ALDH1A1: variants seen among roughly 807,000 people sequenced by gnomAD.
ALDH1A1 encodes aldehyde dehydrogenase 1 family member A1.
Under a neutral mutation model 62.1 loss-of-function variants are expected in ALDH1A1, and 19 were observed. The observed-to-expected ratio is 0.31, with a 90% CI of 0.21 to 0.45. The LOEUF (loss-of-function observed/expected upper bound fraction) is 0.45. Among genes scored for constraint, ALDH1A1 ranks in the 20% least tolerant of loss-of-function variants. The pLI, the probability that ALDH1A1 is intolerant of heterozygous loss-of-function variation, is 1.00. For synonymous variants in ALDH1A1, 231 were observed against 215.9 expected, an observed-to-expected ratio of 1.07 and a Z score of -0.61; for missense variants, 521 against 607.1, an observed-to-expected ratio of 0.86 and a Z score of 1.49.
intron 10 of ALDH1A1, among the ~76,000 whole-genome samples, chr9:72,911,525 C>G (rs1829988179): frequency 1.3e-5 from 2 of 152,140 alleles, no homozygotes; most frequent in Non-Finnish European, 2.9e-5. Context: ...CTCCACTCCC[C>G]CAAGCCCCTG....
At chr9:72,919,556 G>C (rs1312425241) in intron 7 of ALDH1A1, among the ~76,000 whole-genome samples, 5 of 152,200 alleles carry the variant, frequency 3.3e-5, no homozygotes, top group Non-Finnish European at 5.9e-5. Context: ...TTCAGAGTCT[G>C]ATCCAGATTG....
chr9:72,901,359 G>C, intron 12 of ALDH1A1, 79 bp from the exon 13 acceptor site: 2 of 982,510 alleles, frequency 2.0e-6, no homozygotes, highest in Non-Finnish European at 3.1e-6. Context: ...TTTGGTACGA[G>C]TTTGTTCTTG....
chr9:72,925,944 G>A (rs924839189), intron 5 of ALDH1A1, among the ~76,000 whole-genome samples: 1 of 152,068 alleles, frequency 6.6e-6, no homozygotes, highest in Non-Finnish European at 1.5e-5. Flanking sequence ...TGTTTAAAAA[G>A]GATGATTACT....
chr9:72,946,237 C>T (rs1334468163), intron 1 of ALDH1A1, among the ~76,000 whole-genome samples: 1 of 151,882 alleles, frequency 6.6e-6, no homozygotes, highest in Non-Finnish European at 1.5e-5. Flanking sequence ...TAAAAGAATG[C>T]CAAATATAAA....
Position 72,911,397 on chromosome 9 carries a change from T to A in ALDH1A1, c.1200+561A>T, listed in dbSNP as rs1291643770. ...CTTAAAATTGACTCTCTTAGCAATA[T>A]TCAAGTATACAATACATTGTTATTA... On this transcript the variant is annotated intron_variant, in intron 10 of 12. Coordinates refer to ENST00000297785, the MANE Select transcript of ALDH1A1 (RefSeq NM_000689.5). Among the ~76,000 whole-genome samples the A allele has an allele frequency of 2.0e-5, 3 of 152,176 alleles. No individual in the cohort carries two copies. The South Asian group carries it at 6.2e-4, about 31-fold the overall frequency.
intron 11 of ALDH1A1, 118 bp from the exon 12 acceptor site, chr9:72,906,150 T>G (rs1829876170): frequency 1.6e-6 from 1 of 630,896 alleles, no homozygotes; most frequent in Non-Finnish European, 2.7e-6. Flanking sequence ...CATTATAACA[T>G]ACTCATCTTG....
chr9:72,913,806 T>C (rs1400151834), intron 9 of ALDH1A1, among the ~76,000 whole-genome samples: 1 of 152,224 alleles, frequency 6.6e-6, no homozygotes, highest in Admixed American at 6.5e-5. Context: ...CCAAATGTGC[T>C]TCTTTGACCC....
chr9:72,916,820 T>C, intron 9 of ALDH1A1, 100 bp downstream of exon 9: 1 of 942,146 alleles, frequency 1.1e-6, no homozygotes, highest in East Asian at 3.0e-5. Context: ...CCTAGGAAGG[T>C]GTGCAGATGG....
chr9:72,920,682 G>T (rs1830128843), intron 7 of ALDH1A1, among the ~76,000 whole-genome samples: 1 of 152,142 alleles, frequency 6.6e-6, no homozygotes, highest in African/African-American at 2.4e-5. Context: ...CAAATAAAAG[G>T]CTTGAGTTTT....
At chr9:72,904,857 T>C (rs1034635185) in intron 12 of ALDH1A1, among the ~76,000 whole-genome samples, 5 of 152,170 alleles carry the variant, frequency 3.3e-5, no homozygotes, top group Non-Finnish European at 7.4e-5. Context: ...ATGTAGGTTA[T>C]TTTGCATGTC....
chr9:72,941,681 G>A (rs983027826), intron 1 of ALDH1A1, among the ~76,000 whole-genome samples: 1 of 152,080 alleles, frequency 6.6e-6, no homozygotes, highest in Non-Finnish European at 1.5e-5. Context: ...AGCTACTCAT[G>A]GATAAGATCT....
intron 1 of ALDH1A1, chr9:72,942,376 C>T: frequency 1.0e-6 from 1 of 985,246 alleles, no homozygotes. Flanking sequence ...TGCACACTGT[C>T]CCCCAGCCCT....
chr9:72,918,686 A>G, intron 8 of ALDH1A1, 34 bp downstream of exon 8: 1 of 1,283,082 alleles, frequency 7.8e-7, no homozygotes, highest in Non-Finnish European at 1.0e-6. Flanking sequence ...AAAACGATGA[A>G]GGACGAAAAG....
intron 2 of ALDH1A1, among the ~76,000 whole-genome samples, chr9:72,937,475 C>T (rs8187901): frequency 0.013 from 1,946 of 152,276 alleles, 50 homozygotes; most frequent in African/African-American, 0.045. Flanking sequence ...ATATGCCTGG[C>T]ACCGTTGAAG....
At chr9:72,943,898 T>C (rs1247845637) in intron 1 of ALDH1A1, among the ~76,000 whole-genome samples, 1 of 151,498 alleles carries the variant, frequency 6.6e-6, no homozygotes, top group Non-Finnish European at 1.5e-5. Flanking sequence ...TAGAGGGGCA[T>C]AGGCTGAAAG....
Position 72,928,980 on chromosome 9 carries a change from T to C in ALDH1A1, c.354A>G (p.Ala118=). ...SMNGGKLYSN[A]YLNDLAGCIK... ...TGCAGCCTGCTAAATCATTCAGATA[T>C]GCATTGGAATAGAGTTTTCCACCAT... is the stretch of plus-strand genomic sequence containing the variant. Residue 118 remains alanine (A), a synonymous_variant, in exon 4 of 13, where the codon GCA becomes GCG. Coordinates refer to ENST00000297785, the MANE Select transcript of ALDH1A1 (RefSeq NM_000689.5). 6.2e-7 allele frequency: 1 copy of C among 1,613,946 alleles called. No individual in the cohort carries two copies. Among genetic ancestry groups the C allele is most frequent in the Non-Finnish European group, 8.5e-7 (1 of 1,179,884 alleles).
At chr9:72,927,509 C>T (rs916880136) in intron 4 of ALDH1A1, among the ~76,000 whole-genome samples, 25 of 152,090 alleles carry the variant, frequency 1.6e-4, no homozygotes, top group African/African-American at 5.1e-4. Flanking sequence ...TAATTAATTC[C>T]ACCTTTCATC....
intron 2 of ALDH1A1, among the ~76,000 whole-genome samples, chr9:72,933,592 C>CAAAAAAA (rs60011646): frequency 7.4e-4 from 83 of 111,712 alleles, no homozygotes; most frequent in South Asian, 1.6e-3. Flanking sequence ...CATCTCAAAA[C>CAAAAAAA]AAAAAAAAAA....
intron 7 of ALDH1A1, among the ~76,000 whole-genome samples, chr9:72,921,230 C>T (rs375971622): frequency 8.8e-4 from 125 of 141,324 alleles, no homozygotes; most frequent in South Asian, 2.9e-3. Flanking sequence ...TGACAGTGCA[C>T]GACTCCTCTC....
Sources: allele counts gnomAD v4.1 joint callset (sites outside exome capture counted in the v4.1 genomes callset), GRCh38; gene constraint gnomAD v4.1.1; transcripts MANE v1.5; gene names NCBI Gene and HGNC (gene_info 2026-07-23, HGNC 2026-07-21).